Variants in TP63 observed in about 807,000 individuals in gnomAD.
The protein encoded by TP63 is tumor protein 63.
TP63 carries 17 observed loss-of-function variants against 82.8 expected under a neutral mutation model. The observed-to-expected ratio is 0.21, with a 90% CI of 0.14 to 0.31. The LOEUF (loss-of-function observed/expected upper bound fraction) is 0.31, where lower values mean the gene tolerates loss of function less well. Among genes scored for constraint, TP63 ranks in the 10% least tolerant of loss-of-function variants. The pLI, the probability that TP63 is intolerant of heterozygous loss-of-function variation, is 1.00. For missense variants in TP63, 648 were observed against 895.3 expected, an observed-to-expected ratio of 0.72 and a Z score of 3.52; for synonymous variants, 330 against 321.7, an observed-to-expected ratio of 1.03 and a Z score of -0.28.
chr3:189,874,775 G>C (rs1429043149), intron 10 of TP63, among the ~76,000 whole-genome samples: 2 of 152,104 alleles, frequency 1.3e-5, no homozygotes, highest in East Asian at 3.9e-4. Context: ...ATACAACCAG[G>C]ATCAAAGAAA....
At chr3:189,737,911 A>G (rs764133145) in intron 2 of TP63, 43 bp downstream of exon 2, 2 of 1,612,350 alleles carry the variant, frequency 1.2e-6, no homozygotes, top group Non-Finnish European at 1.7e-6. Context: ...TGAGCTAAAT[A>G]GGTAAATGTG....
chr3:189,747,537 A>G (rs1032766387), intron 3 of TP63, among the ~76,000 whole-genome samples: 2 of 152,140 alleles, frequency 1.3e-5, no homozygotes, highest in African/African-American at 2.4e-5. Context: ...GAAACAAATG[A>G]AAATTGAAAC....
intron 4 of TP63, among the ~76,000 whole-genome samples, chr3:189,823,113 T>C (rs1728966497): frequency 6.6e-6 from 1 of 152,162 alleles, no homozygotes; most frequent in Non-Finnish European, 1.5e-5. Flanking sequence ...TGCCAGACCA[T>C]TGGTTAACTG....
At chr3:189,697,427 T>C (rs191857187) in intron 1 of TP63, among the ~76,000 whole-genome samples, 3 of 152,162 alleles carry the variant, frequency 2.0e-5, no homozygotes, top group African/African-American at 4.8e-5. Context: ...CTTTTGTCAA[T>C]ACCAAATGTC....
chr3:189,675,119 A>G (rs1715276476), intron 1 of TP63, among the ~76,000 whole-genome samples: 1 of 152,076 alleles, frequency 6.6e-6, no homozygotes, highest in Admixed American at 6.6e-5. Flanking sequence ...CATAGATGAT[A>G]CCTTCATACT....
Position 189,896,513 on chromosome 3 carries a change from C to A in TP63, c.*2011C>A, listed in dbSNP as rs530169386. On this transcript the variant is annotated 3_prime_UTR_variant, in exon 14 of 14. Transcript: ENST00000264731. ...TCCTTGATTTCAAAGTTTTGTTGTA[C>A]TTAAATGGTAATAAGCACTGTAAAC... 42 of 207,094 alleles carry A rather than the reference C, an allele frequency of 2.0e-4. No individual in the cohort carries two copies. The highest frequency in any genetic ancestry group is 8.4e-4 in the African/African-American group (37 of 43,878). 12.8% of individuals were successfully genotyped at this position (207,094 alleles called of 1,614,324 possible). A position where few individuals can be genotyped will look rare whatever the true frequency, so the allele number is the denominator to read the frequency against.
intron 4 of TP63, among the ~76,000 whole-genome samples, chr3:189,826,541 G>A (rs1729372163): frequency 6.6e-6 from 1 of 152,238 alleles, no homozygotes; most frequent in African/African-American, 2.4e-5. Context: ...GTCAGGAGTT[G>A]AGTGAAATAT....
rs1403136077 is a variant in TP63, at chr3:189,832,226, G to A, written c.579+23700G>A. Among the ~76,000 whole-genome samples the A allele has an allele frequency of 2.0e-5, 3 of 152,050 alleles. No individual in the cohort carries two copies. In the East Asian group the frequency reaches 5.8e-4, roughly 29 times the overall value. Reference sequence around the variant, plus strand: ...GGGTTTTTCTAAATGACTGGCAAATGGAAAACCTGAAAGTTACCTGAGACT... The same window carrying A: ...GGGTTTTTCTAAATGACTGGCAAATAGAAAACCTGAAAGTTACCTGAGACT... On this transcript the variant is annotated intron_variant, in intron 4 of 13. Coordinates refer to ENST00000264731, the MANE Select transcript of TP63 (RefSeq NM_003722.5).
At chr3:189,709,389 C>T (rs1446332894) in intron 1 of TP63, among the ~76,000 whole-genome samples, 2 of 152,022 alleles carry the variant, frequency 1.3e-5, no homozygotes, top group Non-Finnish European at 1.5e-5. Context: ...TCTGTCTAAT[C>T]CCTTCATCAT....
At chr3:189,600,300 GTTTAACCTCTCTGGGC>G in the TP63 span, among the ~76,000 whole-genome samples, 1 of 151,936 alleles carries the variant, frequency 6.6e-6, no homozygotes, top group Non-Finnish European at 1.5e-5. Context: ...TGTATAATGT[GTTTAACCTCTCTGGGC>G]TTTAGGTTTT....
At chr3:189,602,338 G>A in the TP63 span, among the ~76,000 whole-genome samples, 2 of 152,206 alleles carry the variant, frequency 1.3e-5, no homozygotes, top group Non-Finnish European at 2.9e-5. Context: ...GTAGAAGAGA[G>A]ATATTAATGG....
chr3:189,657,307 G>A (rs1011640899), intron 1 of TP63, among the ~76,000 whole-genome samples: 6 of 152,018 alleles, frequency 3.9e-5, no homozygotes, highest in South Asian at 2.1e-4. Context: ...AGACCATTAC[G>A]GCATAAAAAA....
chr3:189,772,678 G>A (rs1189000506), intron 3 of TP63, among the ~76,000 whole-genome samples: 2 of 152,106 alleles, frequency 1.3e-5, no homozygotes, highest in Non-Finnish European at 2.9e-5. Context: ...CAAGAAATGT[G>A]CTGTAAGAGC....
Position 189,696,909 on chromosome 3 carries a change from T to C in TP63, c.63-40831T>C, listed in dbSNP as rs75242224. Among the ~76,000 whole-genome samples, 222 of 152,256 alleles carry C rather than the reference T, an allele frequency of 1.5e-3. 4 individuals are homozygous for C. The East Asian group carries it at 0.039, about 27-fold the overall frequency. On this transcript the variant is annotated intron_variant, in intron 1 of 13. Coordinates refer to ENST00000264731, the MANE Select transcript of TP63 (RefSeq NM_003722.5). ...TTTTCTAATTGTTGAATTTTAAGAG[T>C]TCATTGTATATTTTGGATGTAAGCC...
At chr3:189,617,271 A>G in the TP63 span, among the ~76,000 whole-genome samples, 1 of 152,366 alleles carries the variant, frequency 6.6e-6, no homozygotes, top group South Asian at 2.1e-4. Context: ...CAAGCAGCCC[A>G]GTTATCTTCA....
intron 1 of TP63, among the ~76,000 whole-genome samples, chr3:189,701,882 T>A (rs926728265): frequency 5.9e-5 from 9 of 152,162 alleles, no homozygotes; most frequent in African/African-American, 2.2e-4. Flanking sequence ...CTGAAGGACC[T>A]CTGTTTGTTT....
chr3:189,840,599 G>A (rs1029475867), intron 4 of TP63, among the ~76,000 whole-genome samples: 7 of 151,580 alleles, frequency 4.6e-5, no homozygotes, highest in African/African-American at 1.7e-4. Flanking sequence ...GGTGGCTCAC[G>A]CCTATAATTC....
intron 10 of TP63, chr3:189,880,060 G>T (rs746134510): frequency 6.2e-7 from 1 of 1,613,464 alleles, no homozygotes; most frequent in Admixed American, 1.7e-5. Context: ...GTTCCTCTCT[G>T]CAGTCTCCTT....
chr3:189,662,678 A>G (rs1363851620), intron 1 of TP63, among the ~76,000 whole-genome samples: 1 of 152,064 alleles, frequency 6.6e-6, no homozygotes, highest in East Asian at 1.9e-4. Context: ...CAGTATTTCA[A>G]TTCCTTAAAT....
Sources: allele counts gnomAD v4.1 joint callset (sites outside exome capture counted in the v4.1 genomes callset), GRCh38; gene constraint gnomAD v4.1.1; transcripts MANE v1.5; gene names NCBI Gene and HGNC (gene_info 2026-07-23, HGNC 2026-07-21).